Variants in TMEM127 observed in about 807,000 individuals in gnomAD.
The protein encoded by TMEM127 is transmembrane protein 127.
In TMEM127, 21 loss-of-function variants were observed where a neutral mutation model predicts 20.1. The ratio of observed to expected loss-of-function variants is 1.04; its 90% CI spans 0.74 to 1.50. The LOEUF is 1.50. Ranked by LOEUF, TMEM127 falls within the 40% of genes most tolerant of loss-of-function variation. TMEM127 has a pLI of 0.00. For missense variants in TMEM127, 303 were observed against 317.4 expected (o/e 0.95, Z 0.34); for synonymous variants, 150 against 144.7 (o/e 1.04, Z -0.26).
chr2:96,265,488 C>T lies in TMEM127; in HGVS notation c.-107G>A. On this transcript the variant is annotated 5_prime_UTR_variant, in exon 2 of 4. Coordinates refer to ENST00000258439, the MANE Select transcript of TMEM127 (RefSeq NM_017849.4). Reference sequence around the variant, plus strand: ...GTGGAGGATAGCAACGCTCCGGGTTCGCTGCAGGTGAAGCCGGGACTGGGC... The same window carrying T: ...GTGGAGGATAGCAACGCTCCGGGTTTGCTGCAGGTGAAGCCGGGACTGGGC... 2 of 1,260,390 alleles carry T rather than the reference C, an allele frequency of 1.6e-6. No homozygotes were observed. The highest frequency in any genetic ancestry group is 2.0e-6 in the Non-Finnish European group (2 of 1,003,558). The allele number at this position is 1,260,390 out of a possible 1,614,324, so 78.1% of individuals were successfully genotyped here. A position where few individuals can be genotyped will look rare whatever the true frequency, so the allele number is the denominator to read the frequency against.
chr2:96,249,091 GGTGTGT>G lies in TMEM127; in HGVS notation c.*4711_*4716del, dbSNP rs71301417. 1.1e-4 allele frequency: 24 copies of G among 220,078 alleles called. No homozygotes were observed. Among genetic ancestry groups the G allele is most frequent in the African/African-American group, 2.8e-4 (12 of 43,616 alleles). The allele number at this position is 220,078 out of a possible 1,614,324, so 13.6% of individuals were successfully genotyped here. A position where few individuals can be genotyped will look rare whatever the true frequency, so the allele number is the denominator to read the frequency against. ...GTGAGGAACCTGTGTGTGTGTGTGT[GGTGTGT>G]GTGTGTGTGTGTGTGTGTGTTTGAG... On this transcript the variant is annotated 3_prime_UTR_variant, in exon 4 of 4. Coordinates refer to ENST00000258439, the MANE Select transcript of TMEM127 (RefSeq NM_017849.4).
Position 96,265,517 on chromosome 2 carries a change from C to T in TMEM127, c.-131-5G>A. ...GCAGGTGAAGCCGGGACTGGGCTGT[C>T]AGGGTTGACACCAGAGGATAGGGGG... On this transcript the variant is annotated splice_polypyrimidine_tract_variant and splice_region_variant and intron_variant, in intron 1 of 3. Transcript: ENST00000258439. The T allele has an allele frequency of 8.6e-7, 1 of 1,165,996 alleles. No homozygotes were observed. The highest frequency in any genetic ancestry group is 1.1e-6 in the Non-Finnish European group (1 of 922,148). The allele number at this position is 1,165,996 out of a possible 1,614,324, so 72.2% of individuals were successfully genotyped here. A position where few individuals can be genotyped will look rare whatever the true frequency, so the allele number is the denominator to read the frequency against.
intron 3 of TMEM127, 143 bp from the exon 4 acceptor site, chr2:96,254,258 C>T (rs1439094333): frequency 8.8e-7 from 1 of 1,132,778 alleles, no homozygotes; most frequent in African/African-American, 1.5e-5. Flanking sequence ...GAGGAGCTCT[C>T]TTGACCATGG....
At chr2:96,256,479 G>A (rs376665694) in intron 2 of TMEM127, among the ~76,000 whole-genome samples, 1 of 148,848 alleles carries the variant, frequency 6.7e-6, no homozygotes, top group African/African-American at 2.5e-5. Context: ...GCTGAGGCAG[G>A]AGAATTGCTT....
intron 2 of TMEM127, among the ~76,000 whole-genome samples, chr2:96,260,048 T>G (rs1314171006): frequency 6.6e-6 from 1 of 152,234 alleles, no homozygotes; most frequent in Non-Finnish European, 1.5e-5. Flanking sequence ...CCAATAGGTT[T>G]TGTTTCAATA....
In TMEM127 at chr2:96,250,757, C is replaced by T. The variant is rs766557008; in HGVS notation, c.*3051G>A. On this transcript the variant is annotated 3_prime_UTR_variant, in exon 4 of 4. Transcript: ENST00000258439. The stretch of plus-strand genomic sequence containing the variant: ...TGGGCAATCAAGGCCTGGCACTGCC[C>T]TACAGGAGGCTTACAGGTCACACTC... 1.3e-5 allele frequency: 3 copies of T among 232,704 alleles called. No individual in the cohort carries two copies. Among genetic ancestry groups the T allele is most frequent in the Non-Finnish European group, 2.5e-5 (3 of 117,800 alleles). The allele number at this position is 232,704 out of a possible 1,614,324, so 14.4% of individuals were successfully genotyped here. A position where few individuals can be genotyped will look rare whatever the true frequency, so the allele number is the denominator to read the frequency against.
chr2:96,263,431 C>T (rs1473500116), intron 2 of TMEM127, among the ~76,000 whole-genome samples: 2 of 150,102 alleles, frequency 1.3e-5, no homozygotes, highest in Non-Finnish European at 3.0e-5. Flanking sequence ...GGCGCGATCT[C>T]AGCTCACTGC....
intron 2 of TMEM127, among the ~76,000 whole-genome samples, chr2:96,257,225 G>T (rs1205279340): frequency 6.6e-6 from 1 of 152,210 alleles, no homozygotes; most frequent in Non-Finnish European, 1.5e-5. Flanking sequence ...ACTTTGGGAG[G>T]CCGAGGCGGG....
rs1474566715 is a variant in TMEM127 at position 96,253,886 on chromosome 2, C to T, written c.639G>A (p.Glu213=). 6.2e-7 allele frequency: 1 copy of T among 1,614,144 alleles called. No individual in the cohort carries two copies. The highest frequency in any genetic ancestry group is 1.7e-5 in the Admixed American group (1 of 60,022). ...EEEQALELLS[E]MEENEPYPAE... Reference sequence around the variant, plus strand: ...CCGGGTAGGGCTCGTTCTCTTCCATCTCTGAGAGCAGCTCCAGCGCCTGCT... The same window carrying T: ...CCGGGTAGGGCTCGTTCTCTTCCATTTCTGAGAGCAGCTCCAGCGCCTGCT... Residue 213 remains glutamate, a synonymous_variant, in exon 4 of 4, where the codon GAG becomes GAA. Transcript: ENST00000258439. This position sits in a 1 kb window ranked among gnomAD's most constrained non-coding sequence, Gnocchi z 4.3.
chr2:96,265,744 G>A (rs1347116933), intron 1 of TMEM127, 125 bp downstream of exon 1: 1 of 231,938 alleles, frequency 4.3e-6, no homozygotes, highest in African/African-American at 2.3e-5. Flanking sequence ...CTCAGCCAGA[G>A]GATGCCGAGG....
rs969397893 is a variant in TMEM127 at position 96,251,667 on chromosome 2, T to A, written c.*2141A>T. 2 of 231,984 alleles carry A rather than the reference T, an allele frequency of 8.6e-6. No homozygotes were observed. Among genetic ancestry groups the A allele is most frequent in the African/African-American group, 4.4e-5 (2 of 45,200 alleles). 14.4% of individuals were successfully genotyped at this position (231,984 alleles called of 1,614,324 possible). A position where few individuals can be genotyped will look rare whatever the true frequency, so the allele number is the denominator to read the frequency against. ...TTCCATTCTTATTCGTGGTTTCTGG[T>A]TTTTTTGGTTTTGTTTTCCCTTTTA... On this transcript the variant is annotated 3_prime_UTR_variant, in exon 4 of 4. Coordinates refer to ENST00000258439, the MANE Select transcript of TMEM127 (RefSeq NM_017849.4).
chr2:96,252,942 G>A lies in TMEM127; in HGVS notation c.*866C>T, dbSNP rs926874804. The A allele has an allele frequency of 6.4e-5, 15 of 233,260 alleles. No homozygotes were observed. In the East Asian group the frequency reaches 9.0e-4, roughly 14 times the overall value. 14.4% of individuals were successfully genotyped at this position (233,260 alleles called of 1,614,324 possible). The stretch of plus-strand genomic sequence containing the variant: ...TACCATGGGCTTGGAAGGAGCTACA[G>A]CCCCAAATATTGCAGAGCCAAAAGG... On this transcript the variant is annotated 3_prime_UTR_variant, in exon 4 of 4. Transcript: ENST00000258439. The surrounding 1 kb of genome is among the most constrained non-coding windows in gnomAD (Gnocchi z 4.2).
In TMEM127 at chr2:96,264,668, C is replaced by T. The variant is rs117030255; in HGVS notation, c.244+470G>A. 2.1e-4 allele frequency among the ~76,000 whole-genome samples: 32 copies of T among 152,316 alleles called. No individual in the cohort carries two copies. In the East Asian group the frequency reaches 4.2e-3, roughly 20 times the overall value. On this transcript the variant is annotated intron_variant, in intron 2 of 3. Coordinates refer to ENST00000258439, the MANE Select transcript of TMEM127 (RefSeq NM_017849.4). ...TGCGGGTGGCAATGGAACGGTCTTCCGATTACCTAAAATGCCACAGATTCC... is the reference window on the plus strand; with the variant it reads ...TGCGGGTGGCAATGGAACGGTCTTCTGATTACCTAAAATGCCACAGATTCC...
In TMEM127 at chr2:96,253,583, T is replaced by C. The variant is rs1684135644; in HGVS notation, c.*225A>G. ...ACTCGTGAATGTGAAGGGGGCAGGA[T>C]GTGGCAGGAGGGAAAGAGTACATTA... On this transcript the variant is annotated 3_prime_UTR_variant, in exon 4 of 4. Transcript: ENST00000258439. This position sits in a 1 kb window ranked among gnomAD's most constrained non-coding sequence, Gnocchi z 4.3. 3 of 566,762 alleles carry C rather than the reference T, an allele frequency of 5.3e-6. No homozygotes were observed. Among genetic ancestry groups the C allele is most frequent in the Non-Finnish European group, 9.3e-6 (3 of 321,288 alleles). 35.1% of individuals were successfully genotyped at this position (566,762 alleles called of 1,614,324 possible).
In TMEM127 at chr2:96,249,610, AC is replaced by A. The variant is rs938062095; in HGVS notation, c.*4197del. On this transcript the variant is annotated 3_prime_UTR_variant, in exon 4 of 4. Coordinates refer to ENST00000258439, the MANE Select transcript of TMEM127 (RefSeq NM_017849.4). ...GTCTCTACCCACCCCCACAAAAAAA[AC>A]ATTTTCTCTTCTCCACAAACCTCCT... is the stretch of plus-strand genomic sequence containing the variant. 27 of 232,010 alleles carry A rather than the reference AC, an allele frequency of 1.2e-4. No individual in the cohort carries two copies. The highest frequency in any genetic ancestry group is 5.1e-4 in the African/African-American group (23 of 45,342). 14.4% of individuals were successfully genotyped at this position (232,010 alleles called of 1,614,324 possible). A position where few individuals can be genotyped will look rare whatever the true frequency, so the allele number is the denominator to read the frequency against.
At position 96,248,654 on chromosome 2, in the gene TMEM127, T is replaced by C. The variant is rs1008648110; in HGVS notation, c.*5154A>G. 3 of 224,842 alleles carry C rather than the reference T, an allele frequency of 1.3e-5. No individual in the cohort carries two copies. Among genetic ancestry groups the C allele is most frequent in the African/African-American group, 2.2e-5 (1 of 44,816 alleles). The allele number at this position is 224,842 out of a possible 1,614,324, so 13.9% of individuals were successfully genotyped here. ...AGAGGGAAGTGAAGCCATGGGGGCA[T>C]CTGGGGCTACATGGTCTATCTCGCT... On this transcript the variant is annotated 3_prime_UTR_variant, in exon 4 of 4. Transcript: ENST00000258439.
chr2:96,249,637 G>C lies in TMEM127; in HGVS notation c.*4171C>G, dbSNP rs1470322921. 1.3e-5 allele frequency: 3 copies of C among 232,596 alleles called. No homozygotes were observed. Among genetic ancestry groups the C allele is most frequent in the Non-Finnish European group, 2.5e-5 (3 of 117,762 alleles). 14.4% of individuals were successfully genotyped at this position (232,596 alleles called of 1,614,324 possible). The stretch of plus-strand genomic sequence containing the variant: ...ATTTTCTCTTCTCCACAAACCTCCT[G>C]CCTCCCATTAAAATGTCACTCCCCC... On this transcript the variant is annotated 3_prime_UTR_variant, in exon 4 of 4. Transcript: ENST00000258439.
Position 96,250,331 on chromosome 2 carries a change from G to A in TMEM127, c.*3477C>T, listed in dbSNP as rs1230082534. On this transcript the variant is annotated 3_prime_UTR_variant, in exon 4 of 4. Coordinates refer to ENST00000258439, the MANE Select transcript of TMEM127 (RefSeq NM_017849.4). The stretch of plus-strand genomic sequence containing the variant: ...ATCCCAGTTCACTCCCACATCAAGT[G>A]TGGCTCAAGCTGCGTCCTCCAGGAA... 5 of 232,702 alleles carry A rather than the reference G, an allele frequency of 2.1e-5. No homozygotes were observed. The highest frequency in any genetic ancestry group is 4.2e-5 in the Non-Finnish European group (5 of 117,832). 14.4% of individuals were successfully genotyped at this position (232,702 alleles called of 1,614,324 possible).
chr2:96,261,321 G>C (rs558684754), intron 2 of TMEM127, among the ~76,000 whole-genome samples: 1 of 151,686 alleles, frequency 6.6e-6, no homozygotes, highest in South Asian at 2.1e-4. Context: ...TGTCACCCAG[G>C]CTGGAGTGCA....
Sources: gnomAD v4.1 joint callset for allele counts (sites outside exome capture counted in the v4.1 genomes callset) on GRCh38, gnomAD v4.1.1 for gene constraint, Gnocchi (gnomAD v3.1) non-coding constraint, MANE v1.5 for transcripts, NCBI Gene and HGNC (gene_info 2026-07-23, HGNC 2026-07-21) for gene names.